AFAP1: variants seen among roughly 807,000 people sequenced by gnomAD.
AFAP1 encodes the protein actin filament associated protein 1, also known as actin filament-associated protein 1.
In AFAP1, 75 loss-of-function variants were observed where a neutral mutation model predicts 93.9. The observed-to-expected ratio is 0.80, with a 90% CI of 0.66 to 0.97. The LOEUF is 0.97. Ranked by LOEUF, AFAP1 falls within the 50% of genes least tolerant of loss-of-function variation. AFAP1 has a pLI of 0.00. For synonymous variants in AFAP1, 517 were observed against 430.7 expected, an observed-to-expected ratio of 1.20 and a Z score of -2.48; for missense variants, 1,201 against 1,050.8, an observed-to-expected ratio of 1.14 and a Z score of -1.98.
At chr4:7,806,567 A>C (rs1719534046) in intron 9 of AFAP1, among the ~76,000 whole-genome samples, 1 of 152,032 alleles carries the variant, frequency 6.6e-6, no homozygotes, top group Non-Finnish European at 1.5e-5. Context: ...AGCTGCGGAG[A>C]CTCAACTTGG....
Position 7,781,670 on chromosome 4 carries a change from A to G in AFAP1, c.1531-43T>C, listed in dbSNP as rs1182860629. The G allele has an allele frequency of 7.1e-6, 11 of 1,545,258 alleles. No homozygotes were observed. In the Middle Eastern group the frequency reaches 1.0e-3, roughly 141 times the overall value. On this transcript the variant is annotated intron_variant, in intron 12 of 17. Transcript: ENST00000420658. The stretch of plus-strand genomic sequence containing the variant: ...TTGTGGTTAGTGACTTGGACACAGG[A>G]AACAGCAGCTTTTAGCACAGTGAGA...
At chr4:7,878,572 T>C (rs1490157368) in intron 1 of AFAP1, among the ~76,000 whole-genome samples, 1 of 152,206 alleles carries the variant, frequency 6.6e-6, no homozygotes, top group African/African-American at 2.4e-5. Context: ...ATACAGGCTC[T>C]CCTATTTTCC....
chr4:7,800,429 G>T lies in AFAP1; in HGVS notation c.1266+13C>A. On this transcript the variant is annotated intron_variant, in intron 10 of 17. Transcript: ENST00000420658. ...GTCCCTCTGTGGAGTACAGCCCCTG[G>T]GAAATATCCTACCTCCAATACTGCA... is the stretch of plus-strand genomic sequence containing the variant. 1.9e-6 allele frequency: 3 copies of T among 1,613,532 alleles called. No homozygotes were observed. The highest frequency in any genetic ancestry group is 2.5e-6 in the Non-Finnish European group (3 of 1,179,726).
At chr4:7,789,256 G>A (rs994249617) in intron 11 of AFAP1, among the ~76,000 whole-genome samples, 3 of 152,174 alleles carry the variant, frequency 2.0e-5, no homozygotes, top group South Asian at 2.1e-4. Flanking sequence ...TGGAAATGAA[G>A]TAAGAGGCCA....
At chr4:7,867,579 A>C (rs1420903830) in intron 3 of AFAP1, among the ~76,000 whole-genome samples, 1 of 152,188 alleles carries the variant, frequency 6.6e-6, no homozygotes, top group African/African-American at 2.4e-5. Context: ...AATTTGAAAT[A>C]AATGTTGCAA....
chr4:7,872,977 C>T (rs1450786397), intron 1 of AFAP1, among the ~76,000 whole-genome samples: 2 of 143,600 alleles, frequency 1.4e-5, no homozygotes, highest in African/African-American at 2.6e-5. Context: ...GGGCTGGGCG[C>T]GGTGGCTCAC....
chr4:7,929,695 T>G (rs1720956153), intron 1 of AFAP1, among the ~76,000 whole-genome samples: 1 of 152,214 alleles, frequency 6.6e-6, no homozygotes, highest in Non-Finnish European at 1.5e-5. Context: ...TGTGTGTACC[T>G]GCAGGCCCCA....
rs533448738 is a variant in AFAP1, at chr4:7,781,420, T to C, written c.1738A>G (p.Asn580Asp). 46 of 1,551,966 alleles carry C rather than the reference T, an allele frequency of 3.0e-5. No individual in the cohort carries two copies. In the East Asian group the frequency reaches 9.3e-4, roughly 31 times the overall value. ...KYPASAQSVT[N>D]TSSVGRASLG... is the part of the protein sequence containing the mutation. ...GACGCCCTCCCCACAGAAGAGGTAT[T>C]AGTGACAGACTGAGCGGAGGCAGGG... Residue 580 changes from asparagine (N) to aspartate (D), a missense_variant, in exon 13 of 18, where the codon AAT becomes GAT. Coordinates refer to ENST00000420658, the MANE Select transcript of AFAP1 (RefSeq NM_001134647.2).
At chr4:7,777,240 A>G (rs1000598152) in intron 14 of AFAP1, 2 of 152,234 alleles carry the variant, frequency 1.3e-5, no homozygotes, top group Non-Finnish European at 2.9e-5. Flanking sequence ...CATTCAGGAA[A>G]TAAGATTTGC....
intron 3 of AFAP1, among the ~76,000 whole-genome samples, chr4:7,863,717 T>A (rs994777068): frequency 2.6e-5 from 4 of 152,036 alleles, no homozygotes; most frequent in Admixed American, 2.6e-4. Context: ...AACTATTGAA[T>A]AAAGGTATGA....
intron 9 of AFAP1, 38 bp downstream of exon 9, chr4:7,809,576 A>G: frequency 6.3e-7 from 1 of 1,591,400 alleles, no homozygotes; most frequent in Non-Finnish European, 8.5e-7. Flanking sequence ...AAACCCACTT[A>G]GGTGCACGCT....
intron 6 of AFAP1, among the ~76,000 whole-genome samples, chr4:7,836,567 C>A (rs1712324080): frequency 6.6e-6 from 1 of 152,198 alleles, no homozygotes; most frequent in African/African-American, 2.4e-5. Context: ...CCACCTCAGT[C>A]TCCAGAGTAG....
intron 3 of AFAP1, among the ~76,000 whole-genome samples, chr4:7,860,494 G>A (rs1715553407): frequency 6.6e-6 from 1 of 152,164 alleles, no homozygotes; most frequent in African/African-American, 2.4e-5. Flanking sequence ...CAAGGTGTCA[G>A]GCACTGTCCT....
At chr4:7,896,345 C>G (rs191690921) in intron 1 of AFAP1, among the ~76,000 whole-genome samples, 2 of 152,080 alleles carry the variant, frequency 1.3e-5, no homozygotes, top group African/African-American at 4.8e-5. Flanking sequence ...CTAAATAATA[C>G]TGAACACCGA....
chr4:7,923,191 A>G (rs1720529971), intron 1 of AFAP1, among the ~76,000 whole-genome samples: 2 of 152,328 alleles, frequency 1.3e-5, no homozygotes, highest in South Asian at 4.1e-4. Context: ...ATCTTTATAT[A>G]AAGGAATGGA....
chr4:7,882,021 A>G (rs906168553), intron 1 of AFAP1, among the ~76,000 whole-genome samples: 1 of 152,130 alleles, frequency 6.6e-6, no homozygotes. Flanking sequence ...TTATTAGCAC[A>G]TGTTCATCTT....
intron 8 of AFAP1, 39 bp from the exon 9 acceptor site, chr4:7,809,802 T>A (rs551958980): frequency 1.8e-5 from 28 of 1,579,880 alleles, no homozygotes; most frequent in Middle Eastern, 3.4e-4. Context: ...ATGTTTTAAT[T>A]GTAGATATTA....
rs565726936 is a variant in AFAP1, at chr4:7,799,448, G to C, written c.1266+994C>G. On this transcript the variant is annotated intron_variant, in intron 10 of 17. Transcript: ENST00000420658. ...GCCGTGGCTTAGGTCGCAGCCCCAG[G>C]CACTCTCTCCTCTGCCGATGAGTGT... is the stretch of plus-strand genomic sequence containing the variant. Among the ~76,000 whole-genome samples, 3 of 152,256 alleles carry C rather than the reference G, an allele frequency of 2.0e-5. No homozygotes were observed. In the South Asian group the frequency reaches 6.2e-4, roughly 32 times the overall value.
intron 4 of AFAP1, among the ~76,000 whole-genome samples, chr4:7,850,304 A>C (rs1714288418): frequency 6.6e-6 from 1 of 152,178 alleles, no homozygotes; most frequent in Admixed American, 6.5e-5. Flanking sequence ...ACCATCCAAC[A>C]TCGGGGCCTG....
Sources: allele counts gnomAD v4.1 joint callset (sites outside exome capture counted in the v4.1 genomes callset), GRCh38; gene constraint gnomAD v4.1.1; transcripts MANE v1.5; gene names NCBI Gene and HGNC (gene_info 2026-07-23, HGNC 2026-07-21).